The following PDLIM5 variants were observed in gnomAD, a reference collection of about 807,000 sequenced individuals.
The protein encoded by PDLIM5 is PDZ and LIM domain 5, also known as PDZ and LIM domain protein 5.
Under a neutral mutation model 64.2 loss-of-function variants are expected in PDLIM5, and 34 were observed. That is an observed-to-expected ratio of 0.53 (90% CI 0.40 to 0.71). The LOEUF (loss-of-function observed/expected upper bound fraction) is 0.71, where lower values mean the gene tolerates loss of function less well. Among genes scored for constraint, PDLIM5 ranks in the 30% least tolerant of loss-of-function variants. The pLI is 0.00. For synonymous variants in PDLIM5, 253 were observed against 269.1 expected, an observed-to-expected ratio of 0.94 and a Z score of 0.59; for missense variants, 683 against 733.6, an observed-to-expected ratio of 0.93 and a Z score of 0.80.
rs1309002046 is a variant in PDLIM5 at position 94,664,274 on chromosome 4, T to G, written c.*207T>G. On this transcript the variant is annotated 3_prime_UTR_variant, in exon 13 of 13. Coordinates refer to ENST00000317968, the MANE Select transcript of PDLIM5 (RefSeq NM_006457.5). ...CGGTTTGGCATTTATTATTACTTTT[T>G]CCTGTATTTTATGCCCATAAAATAA... 2.1e-6 allele frequency: 2 copies of G among 970,964 alleles called. No homozygotes were observed. Among genetic ancestry groups the G allele is most frequent in the Non-Finnish European group, 2.6e-6 (2 of 779,010 alleles). The allele number at this position is 970,964 out of a possible 1,614,324, so 60.1% of individuals were successfully genotyped here. A position where few individuals can be genotyped will look rare whatever the true frequency, so the allele number is the denominator to read the frequency against.
chr4:94,454,704 A>G (rs908727389), intron 1 of PDLIM5, among the ~76,000 whole-genome samples: 40 of 152,244 alleles, frequency 2.6e-4, no homozygotes, highest in Non-Finnish European at 4.9e-4. Flanking sequence ...ATTGGAGAGA[A>G]TAGTTTTGTG....
In PDLIM5 at chr4:94,664,471, A is replaced by G; in HGVS notation, c.*404A>G. The G allele has an allele frequency of 1.4e-6, 1 of 731,228 alleles. No homozygotes were observed. The highest frequency in any genetic ancestry group is 1.7e-6 in the Non-Finnish European group (1 of 599,466). The allele number at this position is 731,228 out of a possible 1,614,324, so 45.3% of individuals were successfully genotyped here. A position where few individuals can be genotyped will look rare whatever the true frequency, so the allele number is the denominator to read the frequency against. On this transcript the variant is annotated 3_prime_UTR_variant, in exon 13 of 13. Transcript: ENST00000317968. ...CAATGAAAATGCCTTAAATTTTATC[A>G]ATAACAGAATTATTGTATTTAAAAA...
chr4:94,467,008 A>G (rs1421796792), intron 2 of PDLIM5, among the ~76,000 whole-genome samples: 1 of 152,254 alleles, frequency 6.6e-6, no homozygotes, highest in African/African-American at 2.4e-5. Context: ...AACAAGTTAC[A>G]GTCTTTTAAG....
chr4:94,560,065 T>A lies in PDLIM5; in HGVS notation c.249-13286T>A, dbSNP rs375137259. Among the ~76,000 whole-genome samples, 8 of 152,144 alleles carry A rather than the reference T, an allele frequency of 5.3e-5. No individual in the cohort carries two copies. The East Asian group carries it at 1.5e-3, about 29-fold the overall frequency. ...CAATCATTGTGGTGGTTTAGAAGCA[T>A]CCAAGGTCCACACTGTCCCCTAAAC... On this transcript the variant is annotated intron_variant, in intron 3 of 12. Coordinates refer to ENST00000317968, the MANE Select transcript of PDLIM5 (RefSeq NM_006457.5).
chr4:94,570,812 T>C (rs1025627602), intron 3 of PDLIM5, among the ~76,000 whole-genome samples: 12 of 152,134 alleles, frequency 7.9e-5, no homozygotes, highest in African/African-American at 2.9e-4. Context: ...TGTGGGAAAC[T>C]TAGACAAGAG....
At chr4:94,663,125 G>A (rs371689724) in intron 12 of PDLIM5, among the ~76,000 whole-genome samples, 3 of 152,142 alleles carry the variant, frequency 2.0e-5, no homozygotes, top group South Asian at 4.1e-4. Flanking sequence ...TTAAATGTAG[G>A]AAGTAAATAT....
chr4:94,560,101 G>A lies in PDLIM5; in HGVS notation c.249-13250G>A, dbSNP rs573221252. Among the ~76,000 whole-genome samples the A allele has an allele frequency of 2.6e-5, 4 of 152,158 alleles. No homozygotes were observed. The South Asian group carries it at 8.3e-4, about 32-fold the overall frequency. On this transcript the variant is annotated intron_variant, in intron 3 of 12. Transcript: ENST00000317968. ...CACTGTCCCCTAAACATTGCCTTTG[G>A]GGACAAATGCATGTAATTCTAGGTC...
chr4:94,547,283 G>C (rs1020063683), intron 3 of PDLIM5, among the ~76,000 whole-genome samples: 1 of 152,086 alleles, frequency 6.6e-6, no homozygotes, highest in African/African-American at 2.4e-5. Context: ...AAATTAACGG[G>C]TCGACCTTCC....
rs111501647 is a variant in PDLIM5, at chr4:94,518,044, A to G, written c.97-5680A>G. Among the ~76,000 whole-genome samples, 5 of 152,298 alleles carry G rather than the reference A, an allele frequency of 3.3e-5. 1 individual carries two copies. Among genetic ancestry groups the G allele is most frequent in the African/African-American group, 1.2e-4 (5 of 41,574 alleles). ...TGTGTACATTTTGAGTATTTCCTGCAATTTAGAAGGATAAATTTCATATAT... is the reference window on the plus strand; with the variant it reads ...TGTGTACATTTTGAGTATTTCCTGCGATTTAGAAGGATAAATTTCATATAT... On this transcript the variant is annotated intron_variant, in intron 2 of 12. Transcript: ENST00000317968.
chr4:94,605,887 G>A (rs1737876702), intron 7 of PDLIM5, among the ~76,000 whole-genome samples: 1 of 149,084 alleles, frequency 6.7e-6, no homozygotes, highest in Non-Finnish European at 1.5e-5. Context: ...TCTGTCCTGT[G>A]GTAATATGTA....
At position 94,665,937 on chromosome 4, in the gene PDLIM5, A is replaced by G; in HGVS notation, c.*1870A>G. The G allele has an allele frequency of 4.0e-6, 6 of 1,513,142 alleles. No homozygotes were observed. The highest frequency in any genetic ancestry group is 2.5e-5 in the South Asian group (2 of 79,886). 93.7% of individuals were successfully genotyped at this position (1,513,142 alleles called of 1,614,324 possible). A position where few individuals can be genotyped will look rare whatever the true frequency, so the allele number is the denominator to read the frequency against. On this transcript the variant is annotated 3_prime_UTR_variant, in exon 13 of 13. Coordinates refer to ENST00000317968, the MANE Select transcript of PDLIM5 (RefSeq NM_006457.5). ...GATACCACATGGAGACAGGGAAACA[A>G]TTGTGGTAAAACTGTGGATCCTGTT...
intron 3 of PDLIM5, among the ~76,000 whole-genome samples, chr4:94,565,634 C>T (rs1734255630): frequency 6.6e-6 from 1 of 152,092 alleles, no homozygotes; most frequent in Non-Finnish European, 1.5e-5. Flanking sequence ...CAATTTAGCA[C>T]CAGAGAAGGT....
intron 2 of PDLIM5, among the ~76,000 whole-genome samples, chr4:94,483,461 G>A (rs1378446566): frequency 1.3e-5 from 2 of 152,016 alleles, no homozygotes; most frequent in African/African-American, 4.8e-5. Context: ...ACATGTGTAT[G>A]TTTATAATTA....
chr4:94,655,789 T>C (rs1006933701), intron 10 of PDLIM5, among the ~76,000 whole-genome samples: 2 of 152,352 alleles, frequency 1.3e-5, no homozygotes, highest in Non-Finnish European at 2.9e-5. Flanking sequence ...AATCTCATAC[T>C]CATTGCCTTG....
chr4:94,585,539 A>G (rs947274165), intron 5 of PDLIM5, 26 bp from the exon 6 acceptor site: 2 of 1,447,850 alleles, frequency 1.4e-6, no homozygotes, highest in Non-Finnish European at 1.8e-6. Flanking sequence ...TACAATTTTT[A>G]ATTTTTTTTT....
At chr4:94,591,984 C>G (rs1736707701) in intron 7 of PDLIM5, among the ~76,000 whole-genome samples, 1 of 152,176 alleles carries the variant, frequency 6.6e-6, no homozygotes, top group Admixed American at 6.5e-5. Flanking sequence ...AGATCTTCAA[C>G]CCAGATCACA....
chr4:94,534,549 G>T (rs1346388082), intron 3 of PDLIM5, among the ~76,000 whole-genome samples: 3 of 152,122 alleles, frequency 2.0e-5, no homozygotes, highest in Admixed American at 6.6e-5. Flanking sequence ...TGCTACAGGG[G>T]TTCAAAGGAG....
At chr4:94,594,163 G>C (rs932081173) in intron 7 of PDLIM5, among the ~76,000 whole-genome samples, 2 of 152,088 alleles carry the variant, frequency 1.3e-5, no homozygotes, top group African/African-American at 4.8e-5. Context: ...CTTGAAAGGG[G>C]AATTGTACTT....
chr4:94,604,261 A>G (rs1403162553), intron 7 of PDLIM5, among the ~76,000 whole-genome samples: 1 of 152,236 alleles, frequency 6.6e-6, no homozygotes, highest in Non-Finnish European at 1.5e-5. Flanking sequence ...GTGCACAAAA[A>G]GACAAATATT....
Sources: allele counts gnomAD v4.1 joint callset (sites outside exome capture counted in the v4.1 genomes callset), GRCh38; gene constraint gnomAD v4.1.1; transcripts MANE v1.5; gene names NCBI Gene and HGNC (gene_info 2026-07-23, HGNC 2026-07-21).